CD276: variants seen among roughly 807,000 people sequenced by gnomAD.
CD276 encodes CD276 antigen.
CD276 carries 34 observed loss-of-function variants against 50.0 expected under a neutral mutation model. The ratio of observed to expected loss-of-function variants is 0.68; its 90% CI spans 0.52 to 0.91. The LOEUF (loss-of-function observed/expected upper bound fraction) is 0.91. CD276 is among the 40% of genes least tolerant of loss of function. The probability of loss-of-function intolerance (pLI) is 0.00; values close to 1 mark genes in which losing one functional copy is unlikely to be tolerated. For missense variants in CD276, 634 were observed against 717.5 expected, an observed-to-expected ratio of 0.88 and a Z score of 1.33; for synonymous variants, 275 against 313.0, an observed-to-expected ratio of 0.88 and a Z score of 1.28.
chr15:73,704,944 G>A lies in CD276; in HGVS notation c.1369+472G>A, dbSNP rs1295614950. The stretch of plus-strand genomic sequence containing the variant: ...TCAGCTCTTCTTCCTGCAGACTTGC[G>A]CTCCACCCAGGCAGCCGTTGGATGG... On this transcript the variant is annotated intron_variant, in intron 6 of 9. Transcript: ENST00000318443. The surrounding 1 kb of genome is among the most constrained non-coding windows in gnomAD (Gnocchi z 4.1). Among the ~76,000 whole-genome samples the A allele has an allele frequency of 3.3e-5, 5 of 152,204 alleles. No homozygotes were observed. Among genetic ancestry groups the A allele is most frequent in the African/African-American group, 9.7e-5 (4 of 41,446 alleles).
chr15:73,684,634 C>A (rs1477653186), intron 1 of CD276, 174 bp downstream of exon 1: 1 of 152,300 alleles, frequency 6.6e-6, no homozygotes, highest in Non-Finnish European at 1.5e-5. Flanking sequence ...GGGCGGCCCC[C>A]CTCGCACAGG....
In CD276 at chr15:73,713,776, G is replaced by T; in HGVS notation, c.*820G>T. Reference sequence around the variant, plus strand: ...TCCAGGGGTCTGTGATGGGGCCCCTGGGGGTCAGCTTCTGTCCCTCTGCCT... The same window carrying T: ...TCCAGGGGTCTGTGATGGGGCCCCTTGGGGTCAGCTTCTGTCCCTCTGCCT... On this transcript the variant is annotated 3_prime_UTR_variant, in exon 10 of 10. Coordinates refer to ENST00000318443, the MANE Select transcript of CD276 (RefSeq NM_001024736.2). 2.3e-6 allele frequency: 1 copy of T among 431,922 alleles called. No individual in the cohort carries two copies. The highest frequency in any genetic ancestry group is 4.6e-6 in the Non-Finnish European group (1 of 218,520). 26.8% of individuals were successfully genotyped at this position (431,922 alleles called of 1,614,324 possible).
chr15:73,706,861 C>T (rs1900670064), intron 6 of CD276, among the ~76,000 whole-genome samples: 1 of 152,182 alleles, frequency 6.6e-6, no homozygotes, highest in Non-Finnish European at 1.5e-5. Flanking sequence ...GGGACACCAC[C>T]AGTTAAGGGG....
rs375144093 is a variant in CD276, at chr15:73,711,116, C to T, written c.1547-19C>T. 33 of 1,613,736 alleles carry T rather than the reference C, an allele frequency of 2.0e-5. No homozygotes were observed. The highest frequency in any genetic ancestry group is 4.4e-5 in the South Asian group (4 of 91,068). On this transcript the variant is annotated intron_variant, in intron 8 of 9. Transcript: ENST00000318443. ...CCCATGGTTCCTCCCTCACCGTGTG[C>T]GCCTTCCTTTTTTTACAGCCCTGCA...
intron 2 of CD276, 34 bp downstream of exon 2, chr15:73,699,752 G>A (rs1201545477): frequency 1.3e-6 from 2 of 1,554,208 alleles, no homozygotes; most frequent in Admixed American, 1.8e-5. Context: ...GGAGGGGAGG[G>A]ACAGTGATTG....
intron 1 of CD276, among the ~76,000 whole-genome samples, chr15:73,698,604 A>G (rs1056229867): frequency 1.7e-4 from 26 of 152,080 alleles, no homozygotes; most frequent in Admixed American, 6.5e-5. Flanking sequence ...TCTGTCACCC[A>G]GTCTGGAGTG....
rs1900429839 is a variant in CD276 at position 73,702,355 on chromosome 15, G to A, written c.180G>A (p.Leu60=). The A allele has an allele frequency of 6.2e-7, 1 of 1,613,506 alleles. No individual in the cohort carries two copies. The highest frequency in any genetic ancestry group is 1.3e-5 in the African/African-American group (1 of 74,918). ...TCTCCCCTGAGCCTGGCTTCAGCCT[G>A]GCACAGCTCAACCTCATCTGGCAGC... ...CSFSPEPGFS[L]AQLNLIWQLT... The change falls in exon 3 of 10, where the codon CTG becomes CTA. Residue 60 remains leucine, a synonymous_variant. Transcript: ENST00000318443.
In CD276 at chr15:73,704,211, A is replaced by C; in HGVS notation, c.1108A>C (p.Asn370His). The C allele has an allele frequency of 6.2e-7, 1 of 1,613,932 alleles. No homozygotes were observed. The highest frequency in any genetic ancestry group is 8.5e-7 in the Non-Finnish European group (1 of 1,179,946). The change falls in exon 6 of 10, where the codon AAC becomes CAC. Residue 370 changes from asparagine to histidine, a missense_variant. Physicochemically the swap from Asn to His is moderately conservative, Grantham distance 68 (BLOSUM62 1). Transcript: ENST00000318443. This position sits in a 1 kb window ranked among gnomAD's most constrained non-coding sequence, Gnocchi z 4.1. ...GAAGCCCAGCATGACCCTGGAGCCC[A>C]ACAAGGACCTGCGGCCAGGGGACAC... ...YSKPSMTLEP[N>H]KDLRPGDTVT...
chr15:73,697,290 G>C (rs1057071810), intron 1 of CD276, among the ~76,000 whole-genome samples: 6 of 151,998 alleles, frequency 3.9e-5, no homozygotes, highest in Non-Finnish European at 8.8e-5. Flanking sequence ...TGGGAGAGAA[G>C]GGGGGCTGGC....
intron 6 of CD276, 80 bp from the exon 7 acceptor site, chr15:73,708,255 TGTTC>T (rs1900725225): frequency 1.3e-6 from 2 of 1,494,626 alleles, no homozygotes; most frequent in South Asian, 2.5e-5. Context: ...TGGGAGCCCC[TGTTC>T]ACACTTGGAG....
Position 73,704,381 on chromosome 15 carries a change from G to A in CD276, c.1278G>A (p.Leu426=). The A allele has an allele frequency of 6.2e-7, 1 of 1,614,164 alleles. No individual in the cohort carries two copies. The highest frequency in any genetic ancestry group is 1.1e-5 in the South Asian group (1 of 91,088). The change falls in exon 6 of 10, where the codon CTG becomes CTA. Residue 426 remains leucine (L), a synonymous_variant. Transcript: ENST00000318443. The surrounding 1 kb of genome is among the most constrained non-coding windows in gnomAD (Gnocchi z 4.1). ...EQGLFDVHSV[L]RVVLGANGTY... Reference sequence around the variant, plus strand: ...GCTTGTTTGATGTGCACAGCGTCCTGCGGGTGGTGCTGGGTGCGAATGGCA... The same window carrying A: ...GCTTGTTTGATGTGCACAGCGTCCTACGGGTGGTGCTGGGTGCGAATGGCA...
chr15:73,712,809 C>T, intron 9 of CD276, 125 bp from the exon 10 acceptor site: 1 of 983,824 alleles, frequency 1.0e-6, no homozygotes, highest in East Asian at 2.5e-5. Flanking sequence ...GGGCTGCTGT[C>T]TCACACACAC....
At position 73,702,520 on chromosome 15, in the gene CD276, G is replaced by A. The variant is rs145054349; in HGVS notation, c.345G>A (p.Ala115=). 2.4e-4 allele frequency: 389 copies of A among 1,612,862 alleles called. 4 individuals carry two copies. In the Middle Eastern group the frequency reaches 9.9e-3, roughly 41 times the overall value. ...ASLRLQRVRV[A]DEGSFTCFVS... ...TGAGGCTGCAGCGCGTGCGTGTGGC[G>A]GACGAGGGCAGCTTCACCTGCTTCG... Residue 115 remains alanine, a synonymous_variant, in exon 3 of 10, where the codon GCG becomes GCA. Coordinates refer to ENST00000318443, the MANE Select transcript of CD276 (RefSeq NM_001024736.2).
chr15:73,689,720 A>G (rs1352882169), intron 1 of CD276, among the ~76,000 whole-genome samples: 1 of 152,158 alleles, frequency 6.6e-6, no homozygotes, highest in East Asian at 1.9e-4. Context: ...CAGAGTCTGG[A>G]TTTGAACCTG....
intron 2 of CD276, among the ~76,000 whole-genome samples, 180 bp from the exon 3 acceptor site, chr15:73,702,075 C>T (rs183917265): frequency 2.0e-5 from 3 of 152,308 alleles, no homozygotes; most frequent in Admixed American, 2.0e-4. Context: ...ATGCTTGGCA[C>T]CTGTAGGTGC....
In CD276 at chr15:73,713,903, G is replaced by A; in HGVS notation, c.*947G>A. 2.6e-6 allele frequency: 1 copy of A among 386,098 alleles called. No individual in the cohort carries two copies. 23.9% of individuals were successfully genotyped at this position (386,098 alleles called of 1,614,324 possible). On this transcript the variant is annotated 3_prime_UTR_variant, in exon 10 of 10. Transcript: ENST00000318443. ...TGTTAGGTGCTGGGGGCCCTGCGTG[G>A]GAAGATAAAGTTCCTCCCTCAAGGA...
At chr15:73,712,561 C>G (rs1900947744) in intron 9 of CD276, among the ~76,000 whole-genome samples, 1 of 152,234 alleles carries the variant, frequency 6.6e-6, no homozygotes, top group Non-Finnish European at 1.5e-5. Context: ...GGAAGGCTGC[C>G]TGCTGGACGA....
At chr15:73,695,334 G>A (rs1398731623) in intron 1 of CD276, among the ~76,000 whole-genome samples, 1 of 152,160 alleles carries the variant, frequency 6.6e-6, no homozygotes, top group Non-Finnish European at 1.5e-5. Flanking sequence ...GCAGTGTCAG[G>A]AGGACGGGTC....
rs1901038161 is a variant in CD276, at chr15:73,714,279, C to T, written c.*1323C>T. On this transcript the variant is annotated 3_prime_UTR_variant, in exon 10 of 10. Coordinates refer to ENST00000318443, the MANE Select transcript of CD276 (RefSeq NM_001024736.2). Reference sequence around the variant, plus strand: ...TGCTTTGGGGACACCGAGGGGACTGCCCCCCACCCCCACCATGGTGCTATT... The same window carrying T: ...TGCTTTGGGGACACCGAGGGGACTGTCCCCCACCCCCACCATGGTGCTATT... 1 of 169,700 alleles carries T rather than the reference C, an allele frequency of 5.9e-6. No individual in the cohort carries two copies. The allele number at this position is 169,700 out of a possible 1,614,324, so 10.5% of individuals were successfully genotyped here.
Sources: allele counts gnomAD v4.1 joint callset (sites outside exome capture counted in the v4.1 genomes callset), GRCh38; gene constraint gnomAD v4.1.1; non-coding constraint Gnocchi (gnomAD v3.1); transcripts MANE v1.5; gene names NCBI Gene and HGNC (gene_info 2026-07-23, HGNC 2026-07-21).